The following CCSER1 variants were observed in gnomAD, a reference collection of about 807,000 sequenced individuals.
CCSER1 encodes serine-rich coiled-coil domain-containing protein 1.
Under a neutral mutation model 82.0 loss-of-function variants are expected in CCSER1, and 41 were observed. The ratio of observed to expected loss-of-function variants is 0.50; its 90% confidence interval spans 0.39 to 0.65. The LOEUF is 0.65. Among genes scored for constraint, CCSER1 ranks in the 30% least tolerant of loss-of-function variants. The pLI, the probability that CCSER1 is intolerant of heterozygous loss-of-function variation, is 0.00. For synonymous variants in CCSER1, 414 were observed against 383.9 expected (o/e 1.08, Z -0.92); for missense variants, 1,119 against 1,064.2 (o/e 1.05, Z -0.72).
chr4:90,541,077 C>G (rs1332676304), intron 5 of CCSER1, among the ~76,000 whole-genome samples: 1 of 151,954 alleles, frequency 6.6e-6, no homozygotes, highest in Admixed American at 6.6e-5. Context: ...AACCATTAGA[C>G]AGTTGTAGAT....
chr4:90,847,138 T>C (rs2149905803), intron 8 of CCSER1, among the ~76,000 whole-genome samples: 1 of 152,354 alleles, frequency 6.6e-6, no homozygotes, highest in Non-Finnish European at 1.5e-5. Flanking sequence ...TAATTATTAA[T>C]GTATTAACCA....
chr4:90,558,982 C>T (rs964798135), intron 5 of CCSER1, among the ~76,000 whole-genome samples: 1 of 152,156 alleles, frequency 6.6e-6, no homozygotes, highest in Non-Finnish European at 1.5e-5. Flanking sequence ...TAGACAAGGT[C>T]TGCTGTAAGC....
intron 4 of CCSER1, among the ~76,000 whole-genome samples, chr4:90,443,476 A>G (rs1174735725): frequency 6.6e-6 from 1 of 152,140 alleles, no homozygotes; most frequent in East Asian, 1.9e-4. Flanking sequence ...AGAGCAGGAC[A>G]GCAGGAAATT....
intron 7 of CCSER1, among the ~76,000 whole-genome samples, chr4:90,758,804 T>C (rs1274774374): frequency 6.6e-6 from 1 of 152,144 alleles, no homozygotes; most frequent in Non-Finnish European, 1.5e-5. Flanking sequence ...GTATGTTGAA[T>C]AGAAAAATAA....
intron 10 of CCSER1, among the ~76,000 whole-genome samples, chr4:91,248,537 A>G (rs28371139): frequency 0.14 from 20,768 of 152,200 alleles, 1,675 homozygotes; most frequent in South Asian, 0.25. Flanking sequence ...TCTTATAAAA[A>G]CATCATATAA....
intron 9 of CCSER1, among the ~76,000 whole-genome samples, chr4:90,935,274 G>A (rs1396672957): frequency 1.3e-5 from 2 of 151,936 alleles, no homozygotes; most frequent in Non-Finnish European, 2.9e-5. Context: ...GCCCACCCTG[G>A]GGGTGAGTGA....
intron 7 of CCSER1, among the ~76,000 whole-genome samples, chr4:90,732,043 C>CTG (rs1744842549): frequency 1.3e-5 from 2 of 150,550 alleles, no homozygotes; most frequent in Non-Finnish European, 3.0e-5. Flanking sequence ...CTCTCTCTCT[C>CTG]TCTCTCTCTC....
intron 4 of CCSER1, among the ~76,000 whole-genome samples, chr4:90,406,469 C>G (rs2153549726): frequency 6.6e-6 from 1 of 152,232 alleles, no homozygotes; most frequent in South Asian, 2.1e-4. Context: ...AGAAAGTCAG[C>G]AAAGAAACAA....
At chr4:90,485,579 G>T (rs1362000514) in intron 5 of CCSER1, among the ~76,000 whole-genome samples, 1 of 147,212 alleles carries the variant, frequency 6.8e-6, no homozygotes, top group East Asian at 2.0e-4. Flanking sequence ...GTTTTGTTAT[G>T]TAGGTAAACA....
chr4:90,390,554 C>T (rs1020638205), intron 3 of CCSER1, among the ~76,000 whole-genome samples: 1 of 152,102 alleles, frequency 6.6e-6, no homozygotes, highest in Non-Finnish European at 1.5e-5. Flanking sequence ...GTTTTCTGTT[C>T]CTGATTTAAG....
chr4:91,468,497 T>G (rs1757068053), intron 10 of CCSER1, among the ~76,000 whole-genome samples: 1 of 150,934 alleles, frequency 6.6e-6, no homozygotes, highest in Admixed American at 6.6e-5. Flanking sequence ...GAACTTAACA[T>G]ATAATTAAAA....
chr4:91,329,872 G>A (rs1260851456), intron 10 of CCSER1, among the ~76,000 whole-genome samples: 2 of 151,672 alleles, frequency 1.3e-5, no homozygotes, highest in Non-Finnish European at 2.9e-5. Context: ...TTTATATTTG[G>A]CTTCTCTCTT....
intron 9 of CCSER1, among the ~76,000 whole-genome samples, chr4:91,023,381 A>G (rs369535539): frequency 2.6e-5 from 4 of 152,114 alleles, no homozygotes; most frequent in Admixed American, 6.6e-5. Context: ...AAAGCTGGAG[A>G]CATCACGCTA....
At chr4:90,990,528 A>G (rs1736937471) in intron 9 of CCSER1, among the ~76,000 whole-genome samples, 1 of 151,930 alleles carries the variant, frequency 6.6e-6, no homozygotes, top group African/African-American at 2.4e-5. Context: ...AGACTCTGCA[A>G]TTGCTTTGAG....
At chr4:90,324,444 GT>G (rs1184595727) in intron 3 of CCSER1, among the ~76,000 whole-genome samples, 3 of 147,070 alleles carry the variant, frequency 2.0e-5, no homozygotes, top group Admixed American at 2.0e-4. Context: ...TTTTTCATGT[GT>G]TTTTTGGCTG....
chr4:91,171,477 A>G (rs1560489171), intron 10 of CCSER1, among the ~76,000 whole-genome samples: 1 of 152,212 alleles, frequency 6.6e-6, no homozygotes, highest in Non-Finnish European at 1.5e-5. Flanking sequence ...AGTCACAGAA[A>G]TATTAAAAGT....
At chr4:91,191,596 C>T (rs1734997693) in intron 10 of CCSER1, among the ~76,000 whole-genome samples, 1 of 152,150 alleles carries the variant, frequency 6.6e-6, no homozygotes, top group Admixed American at 6.5e-5. Flanking sequence ...GACCCAGTCT[C>T]CATCAATCTG....
chr4:91,040,015 A>G (rs1028510976), intron 9 of CCSER1, among the ~76,000 whole-genome samples: 2 of 152,284 alleles, frequency 1.3e-5, no homozygotes, highest in East Asian at 1.9e-4. Flanking sequence ...ACTCCAATTT[A>G]TATGTTTGAT....
At chr4:90,447,852 G>A (rs1248640680) in intron 4 of CCSER1, among the ~76,000 whole-genome samples, 2 of 151,982 alleles carry the variant, frequency 1.3e-5, no homozygotes, top group Non-Finnish European at 2.9e-5. Context: ...AGTTTTATTT[G>A]CATATAATTA....
Sources: allele counts gnomAD v4.1 joint callset (sites outside exome capture counted in the v4.1 genomes callset), GRCh38; gene constraint gnomAD v4.1.1; transcripts MANE v1.5; gene names NCBI Gene and HGNC (gene_info 2026-07-23, HGNC 2026-07-21).